Variants in GPD2 observed in about 807,000 individuals in gnomAD.
GPD2 encodes glycerol-3-phosphate dehydrogenase, mitochondrial.
A neutral mutation model predicts 82.4 loss-of-function variants in GPD2; 54 were observed. The ratio of observed to expected loss-of-function variants is 0.66; its 90% CI spans 0.53 to 0.82. GPD2 has a LOEUF of 0.82. Among genes scored for constraint, GPD2 ranks in the 40% least tolerant of loss-of-function variants. The pLI is 0.00. For synonymous variants in GPD2, 288 were observed against 306.1 expected, an observed-to-expected ratio of 0.94 and a Z score of 0.62; for missense variants, 748 against 896.2, an observed-to-expected ratio of 0.83 and a Z score of 2.11.
At chr2:156,475,222 A>G (rs1316429826) in intron 1 of GPD2, among the ~76,000 whole-genome samples, 1 of 152,236 alleles carries the variant, frequency 6.6e-6, no homozygotes, top group African/African-American at 2.4e-5. Context: ...TCTGGCTAGA[A>G]GAAAACTTTT....
At chr2:156,440,981 G>A (rs986436878) in intron 1 of GPD2, among the ~76,000 whole-genome samples, 2 of 152,166 alleles carry the variant, frequency 1.3e-5, no homozygotes, top group Admixed American at 1.3e-4. Context: ...TAATTAGAGG[G>A]TTGGAATTTC....
chr2:156,551,123 T>A (rs1686743136), intron 8 of GPD2, among the ~76,000 whole-genome samples: 1 of 152,190 alleles, frequency 6.6e-6, no homozygotes, highest in African/African-American at 2.4e-5. Flanking sequence ...TTTTGCAGAA[T>A]ACCCAAATTT....
At chr2:156,563,274 G>A (rs1010898836) in intron 9 of GPD2, among the ~76,000 whole-genome samples, 1 of 152,096 alleles carries the variant, frequency 6.6e-6, no homozygotes, top group Non-Finnish European at 1.5e-5. Flanking sequence ...AGTATTTGGG[G>A]TATTGAAAAA....
intron 6 of GPD2, among the ~76,000 whole-genome samples, chr2:156,548,500 G>A (rs1366656500): frequency 5.3e-5 from 8 of 152,144 alleles, no homozygotes; most frequent in Non-Finnish European, 7.3e-5. Flanking sequence ...AGAATAAGAC[G>A]TTTGTGGGGA....
intron 6 of GPD2, among the ~76,000 whole-genome samples, chr2:156,546,296 A>G (rs973202307): frequency 1.3e-5 from 2 of 152,218 alleles, no homozygotes; most frequent in South Asian, 2.1e-4. Flanking sequence ...AAGCAGATCA[A>G]TTAGGTGGGG....
At chr2:156,438,225 A>G (rs1385614912) in intron 1 of GPD2, among the ~76,000 whole-genome samples, 1 of 151,360 alleles carries the variant, frequency 6.6e-6, no homozygotes, top group African/African-American at 2.4e-5. Context: ...CGGGGAGCCA[A>G]AGACTTTGGC....
chr2:156,562,043 C>T (rs1015219317), intron 9 of GPD2, among the ~76,000 whole-genome samples: 1 of 152,146 alleles, frequency 6.6e-6, no homozygotes, highest in Non-Finnish European at 1.5e-5. Flanking sequence ...GAAAAATGAT[C>T]TTTTGAAAAA....
At chr2:156,427,992 T>C in the GPD2 span, among the ~76,000 whole-genome samples, 1 of 152,186 alleles carries the variant, frequency 6.6e-6, no homozygotes, top group Admixed American at 6.5e-5. Flanking sequence ...CTTTTCTCTT[T>C]TAAGGATAAG....
intron 2 of GPD2, among the ~76,000 whole-genome samples, chr2:156,493,381 ATT>A (rs1402453746): frequency 2.0e-5 from 3 of 152,104 alleles, no homozygotes; most frequent in Admixed American, 2.0e-4. Flanking sequence ...AAAAAACAAG[ATT>A]TACAGGTCTA....
At chr2:156,494,721 C>T (rs1684306874) in intron 2 of GPD2, among the ~76,000 whole-genome samples, 1 of 152,184 alleles carries the variant, frequency 6.6e-6, no homozygotes, top group South Asian at 2.1e-4. Context: ...ATGGGAAAAA[C>T]ACCACCATCA....
At chr2:156,522,907 A>AT (rs577625313) in intron 6 of GPD2, among the ~76,000 whole-genome samples, 79 of 147,600 alleles carry the variant, frequency 5.4e-4, no homozygotes, top group Middle Eastern at 3.5e-3. Flanking sequence ...GCTATGATTG[A>AT]TTTTTTTTTT....
chr2:156,403,794 T>G, the GPD2 span, among the ~76,000 whole-genome samples: 1 of 152,238 alleles, frequency 6.6e-6, no homozygotes, highest in Non-Finnish European at 1.5e-5. Flanking sequence ...AAAACAGGTC[T>G]CGTCAAATAT....
intron 1 of GPD2, among the ~76,000 whole-genome samples, chr2:156,460,878 T>A (rs755675486): frequency 6.6e-6 from 1 of 152,204 alleles, no homozygotes; most frequent in African/African-American, 2.4e-5. Context: ...ATCTTGTAGA[T>A]TGCAGTTGGT....
intron 8 of GPD2, among the ~76,000 whole-genome samples, chr2:156,555,742 T>A (rs1686938650): frequency 6.6e-6 from 1 of 152,160 alleles, no homozygotes; most frequent in East Asian, 1.9e-4. Context: ...CAAAAATACT[T>A]GTTATTTGTA....
chr2:156,435,505 C>T (rs1157623729), upstream of GPD2: 1 of 151,376 alleles, frequency 6.6e-6, no homozygotes, highest in African/African-American at 2.4e-5. Context: ...CCGGGGCTCT[C>T]CGCCTCCCCC....
chr2:156,579,300 A>C (rs1345984233), intron 15 of GPD2, 136 bp downstream of exon 15: 1 of 615,240 alleles, frequency 1.6e-6, no homozygotes, highest in Admixed American at 3.1e-5. Context: ...TAGTGAAAGC[A>C]TATTTATAAT....
chr2:156,496,202 T>A lies in GPD2; in HGVS notation c.261T>A (p.Asp87Glu), dbSNP rs772975270. Residue 87 changes from aspartate to glutamate, a missense_variant, in exon 3 of 17, where the codon GAT becomes GAA. Asp to Glu is a conservative substitution (Grantham distance 45). Around this residue, in one of 3 missense-constraint regions of GPD2, gnomAD observed 692 missense variants for 809.7 expected, o/e 0.85. Coordinates refer to ENST00000438166, the MANE Select transcript of GPD2 (RefSeq NM_000408.5). Reference protein sequence around the residue: ...GGATGSGCALDAVTRGLKTAL... With the variant: ...GGATGSGCALEAVTRGLKTAL... ...CAACAGGAAGTGGCTGTGCGCTAGA[T>A]GCTGTCACCAGAGGTAAGTCTTTTT... 6.2e-7 allele frequency: 1 copy of A among 1,609,568 alleles called. No individual in the cohort carries two copies. Among genetic ancestry groups the A allele is most frequent in the Admixed American group, 1.7e-5 (1 of 59,988 alleles).
the GPD2 span, among the ~76,000 whole-genome samples, chr2:156,428,420 A>G: frequency 3.9e-5 from 6 of 152,258 alleles, no homozygotes; most frequent in African/African-American, 1.4e-4. Flanking sequence ...TAAGAGGACC[A>G]GGTTGACAGT....
the GPD2 span, among the ~76,000 whole-genome samples, chr2:156,405,028 A>C: frequency 6.6e-6 from 1 of 152,220 alleles, no homozygotes; most frequent in African/African-American, 2.4e-5. Flanking sequence ...TTCAGGCAAC[A>C]GTGTGACAGA....
Sources: gnomAD v4.1 joint callset for allele counts (sites outside exome capture counted in the v4.1 genomes callset) on GRCh38, gnomAD v4.1.1 for gene constraint, gnomAD v4.1.1 regional missense constraint, MANE v1.5 for transcripts, NCBI Gene and HGNC (gene_info 2026-07-23, HGNC 2026-07-21) for gene names.